Variants in AURKC observed in about 807,000 individuals in gnomAD.
AURKC encodes the protein aurora kinase C, also known as ARK-3.
In AURKC, 15 loss-of-function variants were observed where a neutral mutation model predicts 29.2. The observed-to-expected ratio is 0.51, with a 90% CI of 0.34 to 0.79. The LOEUF (loss-of-function observed/expected upper bound fraction) is 0.79, where lower values mean the gene tolerates loss of function less well. Among genes scored for constraint, AURKC ranks in the 30% least tolerant of loss-of-function variants. The probability of loss-of-function intolerance (pLI) is 0.01; values close to 1 mark genes in which losing one functional copy is unlikely to be tolerated. For synonymous variants in AURKC, 150 were observed against 149.9 expected, an observed-to-expected ratio of 1.00 and a Z score of -0.01; for missense variants, 332 against 383.2, an observed-to-expected ratio of 0.87 and a Z score of 1.12.
chr19:57,234,271 G>C (rs1274907464), intron 5 of AURKC, among the ~76,000 whole-genome samples: 1 of 151,836 alleles, frequency 6.6e-6, no homozygotes, highest in Non-Finnish European at 1.5e-5. Context: ...GGTCAGGCTG[G>C]TCTCCAACTC....
intron 1 of AURKC, 128 bp downstream of exon 1, chr19:57,231,434 C>T: frequency 1.9e-6 from 2 of 1,067,522 alleles, no homozygotes; most frequent in Non-Finnish European, 1.4e-6. Context: ...TCTTTTCTCC[C>T]CACTCCCTCC....
At chr19:57,235,139 T>C in intron 6 of AURKC, 81 bp downstream of exon 6, 4 of 1,607,338 alleles carry the variant, frequency 2.5e-6, no homozygotes, top group Non-Finnish European at 3.4e-6. Flanking sequence ...ACACACAGGG[T>C]TGTCTTCTGT....
At position 57,232,285 on chromosome 19, in the gene AURKC, A is replaced by G; in HGVS notation, c.296+61A>G. The G allele has an allele frequency of 6.3e-7, 1 of 1,591,636 alleles. No individual in the cohort carries two copies. The highest frequency in any genetic ancestry group is 1.1e-5 in the South Asian group (1 of 89,472). On this transcript the variant is annotated intron_variant, in intron 3 of 6. Coordinates refer to ENST00000302804, the MANE Select transcript of AURKC (RefSeq NM_001015878.2). The surrounding 1 kb of genome is among the most constrained non-coding windows in gnomAD (Gnocchi z 4.5). ...CGTCTGAGCCCAGCATTTTCCCCAAATACTAACCCCAAGTAAACCCTGCAC... is the reference window on the plus strand; with the variant it reads ...CGTCTGAGCCCAGCATTTTCCCCAAGTACTAACCCCAAGTAAACCCTGCAC...
Position 57,232,569 on chromosome 19 carries a change from C to G in AURKC, c.324C>G (p.Asn108Lys). 6.2e-7 allele frequency: 1 copy of G among 1,614,192 alleles called. No homozygotes were observed. Among genetic ancestry groups the G allele is most frequent in the Non-Finnish European group, 8.5e-7 (1 of 1,180,046 alleles). The change falls in exon 4 of 7, where the codon AAC becomes AAG. Residue 108 changes from asparagine (N) to lysine (K), a missense_variant. Coordinates refer to ENST00000302804, the MANE Select transcript of AURKC (RefSeq NM_001015878.2). This position sits in a 1 kb window ranked among gnomAD's most constrained non-coding sequence, Gnocchi z 4.5. ...LQHPNILRLY[N>K]YFHDARRVYL... ...ACCCCAATATCCTGCGCCTGTATAA[C>G]TATTTCCATGATGCACGCCGGGTGT... is the stretch of plus-strand genomic sequence containing the variant.
chr19:57,231,525 C>T (rs2087489675), intron 1 of AURKC: 3 of 738,306 alleles, frequency 4.1e-6, no homozygotes, highest in Non-Finnish European at 6.9e-6. Flanking sequence ...TCTTCACCTC[C>T]TCCTCCCCTC....
rs56889709 is a variant in AURKC, at chr19:57,231,581, CCT to C, written c.59-157_59-156del. The C allele has an allele frequency of 1.8e-3, 1,487 of 820,954 alleles. 19 individuals carry two copies. The African/African-American group carries it at 0.023, about 13-fold the overall frequency. The allele number at this position is 820,954 out of a possible 1,614,324, so 50.9% of individuals were successfully genotyped here. Reference sequence around the variant, plus strand: ...CTTCTTCCCCTTACCTCTCCCTCCCCCTCTCCCTGCCTTCCCCTTCCCTCTCT... The same window carrying C: ...CTTCTTCCCCTTACCTCTCCCTCCCCCTCCCTGCCTTCCCCTTCCCTCTCT... On this transcript the variant is annotated intron_variant, in intron 1 of 6. Transcript: ENST00000302804.
Position 57,232,054 on chromosome 19 carries a change from CTT to C in AURKC, c.128_129del (p.Phe43Ter). 1 of 1,614,128 alleles carries C rather than the reference CTT, an allele frequency of 6.2e-7. No individual in the cohort carries two copies. The highest frequency in any genetic ancestry group is 8.5e-7 in the Non-Finnish European group (1 of 1,180,036). On this transcript the variant is annotated frameshift_variant, in exon 3 of 7. Transcript: ENST00000302804. LOFTEE classifies it high-confidence loss of function. The surrounding 1 kb of genome is among the most constrained non-coding windows in gnomAD (Gnocchi z 4.5). Reference sequence around the variant, plus strand: ...TCAGGCGGCGCCTCACAGTCGATGACTTTGAAATCGGGCGTCCCCTGGGCAAG... The same window carrying C: ...TCAGGCGGCGCCTCACAGTCGATGACTGAAATCGGGCGTCCCCTGGGCAAG... The part of the protein sequence containing the change: ...PAMRRLTVDD[F>X]EIGRPLGKGK...
intron 5 of AURKC, among the ~76,000 whole-genome samples, chr19:57,234,118 T>G (rs1485346849): frequency 6.9e-6 from 1 of 145,536 alleles, no homozygotes; most frequent in African/African-American, 2.6e-5. Flanking sequence ...ATTGCAATAG[T>G]GTGATCTCGG....
rs1341192527 is a variant in AURKC, at chr19:57,231,996, C to T, written c.105-37C>T. The T allele has an allele frequency of 3.1e-6, 5 of 1,613,520 alleles. 1 individual carries two copies. The South Asian group carries it at 5.5e-5, about 18-fold the overall frequency. On this transcript the variant is annotated intron_variant, in intron 2 of 6. Coordinates refer to ENST00000302804, the MANE Select transcript of AURKC (RefSeq NM_001015878.2). ...CTGACTTTCCCTCCGCCTACCCTACCTCCCAAGCTGAGGCTTTTTTCTTCC... is the reference window on the plus strand; with the variant it reads ...CTGACTTTCCCTCCGCCTACCCTACTTCCCAAGCTGAGGCTTTTTTCTTCC...
At chr19:57,231,847 A>G in intron 2 of AURKC, 60 bp downstream of exon 2, 1 of 1,613,898 alleles carries the variant, frequency 6.2e-7, no homozygotes, top group Non-Finnish European at 8.5e-7. Flanking sequence ...GGGATGAAGA[A>G]CAGACTGGGT....
At chr19:57,234,414 G>A (rs2122809350) in intron 5 of AURKC, among the ~76,000 whole-genome samples, 1 of 152,120 alleles carries the variant, frequency 6.6e-6, no homozygotes, top group East Asian at 1.9e-4. Context: ...AAATAATGTG[G>A]TCCAATCAAA....
At chr19:57,234,161 G>A (rs542247535) in intron 5 of AURKC, among the ~76,000 whole-genome samples, 3 of 148,150 alleles carry the variant, frequency 2.0e-5, no homozygotes, top group Admixed American at 6.8e-5. Flanking sequence ...AGGTTCAAGC[G>A]ATTCTCCTGC....
In AURKC at chr19:57,231,159, A is replaced by T. The variant is rs2087483805; in HGVS notation, c.-90A>T. Reference sequence around the variant, plus strand: ...AGGATTGGAAGCGCCCCGGCCAGAAAGTGACCCCCCACCCCTTTCAGGACC... The same window carrying T: ...AGGATTGGAAGCGCCCCGGCCAGAATGTGACCCCCCACCCCTTTCAGGACC... On this transcript the variant is annotated 5_prime_UTR_variant, in exon 1 of 7. In the 5' UTR this introduces an upstream ATG that the reference lacks. Transcript: ENST00000302804. 3.2e-6 allele frequency: 5 copies of T among 1,541,540 alleles called. No individual in the cohort carries two copies. The highest frequency in any genetic ancestry group is 2.4e-5 in the South Asian group (2 of 83,760).
Position 57,232,781 on chromosome 19 carries a change from A to T in AURKC, c.435+101A>T, listed in dbSNP as rs2087507240. 6.8e-7 allele frequency: 1 copy of T among 1,471,604 alleles called. No individual in the cohort carries two copies. Among genetic ancestry groups the T allele is most frequent in the Admixed American group, 1.7e-5 (1 of 58,478 alleles). 91.2% of individuals were successfully genotyped at this position (1,471,604 alleles called of 1,614,324 possible). On this transcript the variant is annotated intron_variant, in intron 4 of 6. Transcript: ENST00000302804. The surrounding 1 kb of genome is among the most constrained non-coding windows in gnomAD (Gnocchi z 4.5). ...GGAGGGTCCGCATTGCCTTCTGAGA[A>T]GTTTACTTCTGAATGTTATTGTGTA...
rs35582299 is a variant in AURKC at position 57,235,455 on chromosome 19, G to C, written c.*38G>C. On this transcript the variant is annotated 3_prime_UTR_variant, in exon 7 of 7. Transcript: ENST00000302804. Reference sequence around the variant, plus strand: ...TCTGTTCCCTTTGTGTGTGTTCAGGGAGCTCTCCTGGCTCTGCCACCTCAT... The same window carrying C: ...TCTGTTCCCTTTGTGTGTGTTCAGGCAGCTCTCCTGGCTCTGCCACCTCAT... 502 of 1,611,150 alleles carry C rather than the reference G, an allele frequency of 3.1e-4. No homozygotes were observed. The highest frequency in any genetic ancestry group is 3.9e-4 in the Non-Finnish European group (464 of 1,179,092).
In AURKC at chr19:57,232,461, C is replaced by T. The variant is rs78597513; in HGVS notation, c.297-81C>T. The T allele has an allele frequency of 3.1e-6, 5 of 1,604,212 alleles. No individual in the cohort carries two copies. In the African/African-American group the frequency reaches 5.4e-5, roughly 17 times the overall value. On this transcript the variant is annotated intron_variant, in intron 3 of 6. Coordinates refer to ENST00000302804, the MANE Select transcript of AURKC (RefSeq NM_001015878.2). The surrounding 1 kb of genome is among the most constrained non-coding windows in gnomAD (Gnocchi z 4.5). ...ATTCTGGTCCCAGCATAATTTGCCA[C>T]TTGTGTGACCAGGCAGTGACGGTGG...
rs2087500876 is a variant in AURKC at position 57,232,264 on chromosome 19, T to C, written c.296+40T>C. 2 of 1,608,612 alleles carry C rather than the reference T, an allele frequency of 1.2e-6. No homozygotes were observed. Among genetic ancestry groups the C allele is most frequent in the Non-Finnish European group, 8.5e-7 (1 of 1,178,392 alleles). The stretch of plus-strand genomic sequence containing the variant: ...TGCTTCCTCTTTCATCTTTGACGTC[T>C]GAGCCCAGCATTTTCCCCAAATACT... On this transcript the variant is annotated intron_variant, in intron 3 of 6. Coordinates refer to ENST00000302804, the MANE Select transcript of AURKC (RefSeq NM_001015878.2). This position sits in a 1 kb window ranked among gnomAD's most constrained non-coding sequence, Gnocchi z 4.5.
chr19:57,235,178 AAAG>A, intron 6 of AURKC, 66 bp from the exon 7 acceptor site: 1 of 1,611,524 alleles, frequency 6.2e-7, no homozygotes, highest in South Asian at 1.1e-5. Context: ...AACAAGGCTC[AAAG>A]AAGAGGGAGG....
intron 5 of AURKC, among the ~76,000 whole-genome samples, chr19:57,234,072 T>C (rs925830090): frequency 1.7e-5 from 2 of 117,546 alleles, no homozygotes; most frequent in African/African-American, 6.1e-5. Flanking sequence ...TTTTTTTTTT[T>C]TTGAGACAGA....
Sources: gnomAD v4.1 joint callset for allele counts (sites outside exome capture counted in the v4.1 genomes callset) on GRCh38, gnomAD v4.1.1 for gene constraint, Gnocchi (gnomAD v3.1) non-coding constraint, MANE v1.5 for transcripts, NCBI Gene and HGNC (gene_info 2026-07-23, HGNC 2026-07-21) for gene names.